NRXN1: variants seen among roughly 807,000 people sequenced by gnomAD.
NRXN1 encodes the protein neurexin 1, also known as neurexin-1.
NRXN1 carries 39 observed loss-of-function variants against 150.9 expected under a neutral mutation model. That is an observed-to-expected ratio of 0.26 (90% CI 0.20 to 0.34). NRXN1 has a LOEUF of 0.34. NRXN1 is among the 10% of genes least tolerant of loss of function. The pLI, the probability that NRXN1 is intolerant of heterozygous loss-of-function variation, is 1.00. For missense variants in NRXN1, 1,815 were observed against 1,949.9 expected, an observed-to-expected ratio of 0.93 and a Z score of 1.30; for synonymous variants, 924 against 757.0, an observed-to-expected ratio of 1.22 and a Z score of -3.62.
intron 17 of NRXN1, among the ~76,000 whole-genome samples, chr2:50,276,116 G>C (rs539572323): frequency 1.3e-5 from 2 of 151,752 alleles, no homozygotes; most frequent in African/African-American, 4.8e-5. Flanking sequence ...CCATAGAAAC[G>C]TGAGAAACTC....
At chr2:50,705,244 G>A (rs1368438724) in intron 5 of NRXN1, among the ~76,000 whole-genome samples, 2 of 151,978 alleles carry the variant, frequency 1.3e-5, no homozygotes, top group South Asian at 2.1e-4. Context: ...ATCATAATAC[G>A]AATGGGCTTA....
At chr2:50,470,101 G>A (rs2089314077) in intron 16 of NRXN1, among the ~76,000 whole-genome samples, 1 of 151,600 alleles carries the variant, frequency 6.6e-6, no homozygotes, top group African/African-American at 2.4e-5. Flanking sequence ...TTGTAGGTGA[G>A]AAGTCACATA....
chr2:50,547,186 G>T (rs554798407), intron 9 of NRXN1, among the ~76,000 whole-genome samples: 1 of 152,070 alleles, frequency 6.6e-6, no homozygotes, highest in East Asian at 1.9e-4. Context: ...TTAAATGTAG[G>T]CTTACCCATG....
chr2:50,820,131 G>GAAA (rs148836913), intron 5 of NRXN1, among the ~76,000 whole-genome samples: 8 of 151,616 alleles, frequency 5.3e-5, no homozygotes, highest in Non-Finnish European at 8.8e-5. Context: ...ATGGGGATAT[G>GAAA]AAAAAAAACA....
At chr2:50,928,687 A>C (rs1409589637) in intron 2 of NRXN1, among the ~76,000 whole-genome samples, 1 of 152,022 alleles carries the variant, frequency 6.6e-6, no homozygotes, top group African/African-American at 2.4e-5. Context: ...CAGGTGCTGA[A>C]TTTTGGCATG....
chr2:50,798,328 T>C (rs1245870655), intron 5 of NRXN1, among the ~76,000 whole-genome samples: 1 of 152,206 alleles, frequency 6.6e-6, no homozygotes, highest in Non-Finnish European at 1.5e-5. Flanking sequence ...TAGAAAAAGC[T>C]TCTACCTTTC....
At chr2:50,479,283 G>A (rs771713719) in intron 15 of NRXN1, among the ~76,000 whole-genome samples, 42 of 152,124 alleles carry the variant, frequency 2.8e-4, no homozygotes, top group Non-Finnish European at 5.6e-4. Flanking sequence ...CTTGCTTGTG[G>A]TATACAATAC....
intron 8 of NRXN1, among the ~76,000 whole-genome samples, chr2:50,605,540 G>A (rs186095078): frequency 3.3e-5 from 5 of 152,164 alleles, no homozygotes; most frequent in East Asian, 3.9e-4. Flanking sequence ...GATACCCAAC[G>A]TCAGTAATCA....
At chr2:50,907,812 T>C (rs1049206603) in intron 5 of NRXN1, among the ~76,000 whole-genome samples, 1 of 152,056 alleles carries the variant, frequency 6.6e-6, no homozygotes, top group Admixed American at 6.6e-5. Flanking sequence ...ACAAATCAAA[T>C]TTACCCCAGT....
At chr2:50,205,862 C>T (rs1170070498) in intron 18 of NRXN1, among the ~76,000 whole-genome samples, 4 of 151,736 alleles carry the variant, frequency 2.6e-5, no homozygotes, top group Non-Finnish European at 4.4e-5. Context: ...CAAAAGATCA[C>T]GTATTATATT....
At chr2:50,700,819 T>G (rs1485132782) in intron 5 of NRXN1, among the ~76,000 whole-genome samples, 2 of 148,978 alleles carry the variant, frequency 1.3e-5, no homozygotes, top group Non-Finnish European at 3.0e-5. Flanking sequence ...TTTTTTTTTT[T>G]GAGACGCCCG....
chr2:50,805,627 G>A (rs761574809), intron 5 of NRXN1, among the ~76,000 whole-genome samples: 34 of 151,644 alleles, frequency 2.2e-4, no homozygotes, highest in Non-Finnish European at 4.1e-4. Flanking sequence ...GTGACAGAGT[G>A]AGACTCTGTC....
At chr2:50,213,368 A>C (rs2063167639) in intron 18 of NRXN1, among the ~76,000 whole-genome samples, 2 of 151,952 alleles carry the variant, frequency 1.3e-5, no homozygotes, top group Non-Finnish European at 2.9e-5. Context: ...CTATGTGACT[A>C]AGGATATAAG....
intron 22 of NRXN1, among the ~76,000 whole-genome samples, chr2:49,928,446 A>C (rs531532597): frequency 1.2e-4 from 19 of 152,266 alleles, no homozygotes; most frequent in South Asian, 2.1e-4. Context: ...TACTGTGTCT[A>C]ATAGATGTGG....
intron 18 of NRXN1, among the ~76,000 whole-genome samples, chr2:50,193,490 C>T (rs1254186000): frequency 6.6e-6 from 1 of 152,102 alleles, no homozygotes; most frequent in Non-Finnish European, 1.5e-5. Flanking sequence ...TAAACTGTGG[C>T]ATATTAGTGA....
chr2:49,967,383 A>G (rs1404770800), intron 21 of NRXN1, among the ~76,000 whole-genome samples: 1 of 152,110 alleles, frequency 6.6e-6, no homozygotes, highest in Non-Finnish European at 1.5e-5. Context: ...CAAAGCTGTG[A>G]TATTTATAAA....
chr2:50,172,190 A>G, intron 18 of NRXN1, among the ~76,000 whole-genome samples: 1 of 152,142 alleles, frequency 6.6e-6, no homozygotes, highest in East Asian at 1.9e-4. Context: ...TATTAATAAC[A>G]TTTTTGGTGG....
intron 21 of NRXN1, among the ~76,000 whole-genome samples, chr2:50,035,180 A>C (rs1689839104): frequency 6.6e-6 from 1 of 152,098 alleles, no homozygotes; most frequent in Admixed American, 6.6e-5. Context: ...AAGTTTGAAT[A>C]ATTTCAAAAC....
intron 8 of NRXN1, among the ~76,000 whole-genome samples, chr2:50,587,261 G>T (rs1204997802): frequency 6.6e-6 from 1 of 152,308 alleles, no homozygotes; most frequent in Non-Finnish European, 1.5e-5. Flanking sequence ...GATGTGGGCA[G>T]ATCACTTGAG....
Sources: allele counts gnomAD v4.1 joint callset (sites outside exome capture counted in the v4.1 genomes callset), GRCh38; gene constraint gnomAD v4.1.1; transcripts MANE v1.5; gene names NCBI Gene and HGNC (gene_info 2026-07-23, HGNC 2026-07-21).